The following CAND2 variants were observed in gnomAD, a reference collection of about 807,000 sequenced individuals.
The protein encoded by CAND2 is cullin associated and neddylation dissociated 2 (putative), also known as cullin-associated NEDD8-dissociated protein 2.
Under a neutral mutation model 98.9 loss-of-function variants are expected in CAND2, and 62 were observed. That is an observed-to-expected ratio of 0.63 (90% confidence interval 0.51 to 0.77). The LOEUF is 0.77. Among genes scored for constraint, CAND2 ranks in the 30% least tolerant of loss-of-function variants. The pLI is 0.00. For synonymous variants in CAND2, 770 were observed against 731.9 expected (o/e 1.05, Z -0.84); for missense variants, 1,501 against 1,655.2 (o/e 0.91, Z 1.62).
intron 2 of CAND2, 89 bp from the exon 3 acceptor site, chr3:12,807,217 G>A: frequency 7.9e-7 from 1 of 1,261,492 alleles, no homozygotes; most frequent in Non-Finnish European, 1.1e-6. Flanking sequence ...CAGCACGTGT[G>A]GCCGCAGGAG....
At chr3:12,804,595 C>T (rs1387377398) in intron 2 of CAND2, among the ~76,000 whole-genome samples, 2 of 152,182 alleles carry the variant, frequency 1.3e-5, no homozygotes, top group African/African-American at 4.8e-5. Context: ...AAAGACAAGA[C>T]AAGGGTATGT....
chr3:12,816,846 C>G lies in CAND2; in HGVS notation c.1914C>G (p.Ala638=). Residue 638 remains alanine, a synonymous_variant, in exon 10 of 15, where the codon GCC becomes GCG. Transcript: ENST00000456430. ...LPAIKALTLV[A]VSPLQLDLQP... is the part of the protein sequence containing the mutation. ...CCATCAAGGCGCTTACGCTGGTGGCCGTATCCCCACTACAGCTTGACCTAC... is the reference window on the plus strand; with the variant it reads ...CCATCAAGGCGCTTACGCTGGTGGCGGTATCCCCACTACAGCTTGACCTAC... 1 of 1,613,792 alleles carries G rather than the reference C, an allele frequency of 6.2e-7. No homozygotes were observed. The highest frequency in any genetic ancestry group is 8.5e-7 in the Non-Finnish European group (1 of 1,180,024).
intron 7 of CAND2, among the ~76,000 whole-genome samples, chr3:12,814,061 G>T (rs867917288): frequency 6.6e-6 from 1 of 152,230 alleles, no homozygotes; most frequent in South Asian, 2.1e-4. Flanking sequence ...TGAATGCCAA[G>T]CCAGGGAGGT....
rs1449734250 is a variant in CAND2, at chr3:12,812,978, CT to C, written c.758-11del. On this transcript the variant is annotated splice_polypyrimidine_tract_variant and intron_variant, in intron 5 of 14. Coordinates refer to ENST00000456430, the MANE Select transcript of CAND2 (RefSeq NM_001162499.2). ...GTCTGGCTTGGGTTCAGTGATCCAC[CT>C]GGCCCTGCAGGGGCTCACCTGGACC... is the stretch of plus-strand genomic sequence containing the variant. 7 of 1,537,376 alleles carry C rather than the reference CT, an allele frequency of 4.6e-6. No individual in the cohort carries two copies. In the African/African-American group the frequency reaches 8.1e-5, roughly 18 times the overall value.
At position 12,815,114 on chromosome 3, in the gene CAND2, T is replaced by A; in HGVS notation, c.1007-27T>A. On this transcript the variant is annotated intron_variant, in intron 7 of 14. Coordinates refer to ENST00000456430, the MANE Select transcript of CAND2 (RefSeq NM_001162499.2). The surrounding 1 kb of genome is among the most constrained non-coding windows in gnomAD (Gnocchi z 5.7). ...CAGACCTGTCCTGGGAGATGAGGGT[T>A]CCACGTGTGTCTTGTTCCTGCCCCA... The A allele has an allele frequency of 6.3e-7, 1 of 1,583,256 alleles. No individual in the cohort carries two copies. Among genetic ancestry groups the A allele is most frequent in the Non-Finnish European group, 8.6e-7 (1 of 1,160,624 alleles).
Position 12,808,405 on chromosome 3 carries a change from C to T in CAND2, c.491+72C>T, listed in dbSNP as rs139823498. ...ACAGGGAGGGACTCAAATCACAGAG[C>T]TAGCACCTACTGCACACCAGGCCCT... On this transcript the variant is annotated intron_variant, in intron 4 of 14. Transcript: ENST00000456430. 1,517 of 1,485,330 alleles carry T rather than the reference C, an allele frequency of 1.0e-3. 14 individuals are homozygous for T. The African/African-American group carries it at 0.018, about 18-fold the overall frequency. 92.0% of individuals were successfully genotyped at this position (1,485,330 alleles called of 1,614,324 possible). A position where few individuals can be genotyped will look rare whatever the true frequency, so the allele number is the denominator to read the frequency against.
At position 12,815,850 on chromosome 3, in the gene CAND2, C is replaced by T. The variant is rs780677712; in HGVS notation, c.1300-17C>T. ...CTTGGGTGTTCCCTGACCTTGACTT[C>T]CCCCTCCTGCCCACAGGTGCCCCTT... On this transcript the variant is annotated splice_polypyrimidine_tract_variant and intron_variant, in intron 8 of 14. Transcript: ENST00000456430. This position sits in a 1 kb window ranked among gnomAD's most constrained non-coding sequence, Gnocchi z 5.7. 20 of 1,608,204 alleles carry T rather than the reference C, an allele frequency of 1.2e-5. No homozygotes were observed. The highest frequency in any genetic ancestry group is 1.5e-5 in the Non-Finnish European group (18 of 1,176,010).
At position 12,817,265 on chromosome 3, in the gene CAND2, T is replaced by G; in HGVS notation, c.2333T>G (p.Ile778Ser). ...CCGTGTGTGGACTATGCCAAACTCA[T>G]CAGCCTGCTCACTGCGCCTGTTTAT... ...RPPCVDYAKL[I>S]SLLTAPVYEQ... is the part of the protein sequence containing the mutation. The change falls in exon 10 of 15, where the codon ATC (isoleucine) becomes AGC (serine). Residue 778 changes from isoleucine to serine, a missense_variant. By Grantham distance (142) the Ile-to-Ser change is moderately radical. Around this residue, in one of 3 missense-constraint regions of CAND2, gnomAD observed 1,427 missense variants for 1,545.3 expected, o/e 0.92. Transcript: ENST00000456430. The G allele has an allele frequency of 6.2e-7, 1 of 1,613,966 alleles. No homozygotes were observed. Among genetic ancestry groups the G allele is most frequent in the Non-Finnish European group, 8.5e-7 (1 of 1,180,032 alleles).
In CAND2 at chr3:12,817,936, C is replaced by T. The variant is rs80107853; in HGVS notation, c.2944+60C>T. The T allele has an allele frequency of 1.1e-3, 1,548 of 1,425,824 alleles. 21 individuals are homozygous for T. In the African/African-American group the frequency reaches 0.019, roughly 18 times the overall value. The allele number at this position is 1,425,824 out of a possible 1,614,324, so 88.3% of individuals were successfully genotyped here. A position where few individuals can be genotyped will look rare whatever the true frequency, so the allele number is the denominator to read the frequency against. ...CGGAGGTGGGCAGTTTGCCACTGAG[C>T]ATCCAGGCAGCTGGGGCAGAGTGAG... On this transcript the variant is annotated intron_variant, in intron 10 of 14. Transcript: ENST00000456430.
Position 12,825,657 on chromosome 3 carries a change from G to A in CAND2, c.3210+18G>A. 1.3e-6 allele frequency: 2 copies of A among 1,585,266 alleles called. No individual in the cohort carries two copies. Among genetic ancestry groups the A allele is most frequent in the Non-Finnish European group, 1.7e-6 (2 of 1,165,182 alleles). ...TCCGAGAGGTGTGGAGCAGAGCTGG[G>A]GACCCAGGGGAAGCTGGGGGTGATG... is the stretch of plus-strand genomic sequence containing the variant. On this transcript the variant is annotated intron_variant, in intron 12 of 14. Transcript: ENST00000456430.
intron 13 of CAND2, 34 bp downstream of exon 13, chr3:12,827,638 C>A: frequency 6.4e-7 from 1 of 1,572,656 alleles, no homozygotes; most frequent in Non-Finnish European, 8.7e-7. Context: ...TCTATGTGCC[C>A]CTGTACCAAG....
At position 12,831,005 on chromosome 3, in the gene CAND2, AGTT is replaced by A. The variant is rs567838325; in HGVS notation, c.3376-453_3376-451del. 4.5e-4 allele frequency among the ~76,000 whole-genome samples: 66 copies of A among 146,150 alleles called. 1 individual carries two copies. In the South Asian group the frequency reaches 8.9e-3, roughly 20 times the overall value. ...TGAATCTAGGCCTGCAGCCATGTTT[AGTT>A]GTTGTTAAAAGTTTTTGTTTGGTTT... On this transcript the variant is annotated intron_variant, in intron 13 of 14. Transcript: ENST00000456430.
rs192143849 is a variant in CAND2 at position 12,811,726 on chromosome 3, C to G, written c.758-1264C>G. Among the ~76,000 whole-genome samples the G allele has an allele frequency of 3.9e-4, 60 of 152,160 alleles. 2 individuals carry two copies. In the East Asian group the frequency reaches 0.011, roughly 29 times the overall value. On this transcript the variant is annotated intron_variant, in intron 5 of 14. Coordinates refer to ENST00000456430, the MANE Select transcript of CAND2 (RefSeq NM_001162499.2). Reference sequence around the variant, plus strand: ...AGCTGGCACTACAGGCGCACGCTACCATACCCAGCTAATTTTTGTATTTTT... The same window carrying G: ...AGCTGGCACTACAGGCGCACGCTACGATACCCAGCTAATTTTTGTATTTTT...
chr3:12,813,766 T>C (rs571984500), intron 7 of CAND2, among the ~76,000 whole-genome samples: 29 of 152,354 alleles, frequency 1.9e-4, no homozygotes, highest in Admixed American at 9.1e-4. Flanking sequence ...TGTACCCTTT[T>C]ATGAATGGCT....
chr3:12,834,164 C>T lies in CAND2; in HGVS notation c.*182C>T. On this transcript the variant is annotated 3_prime_UTR_variant, in exon 15 of 15. Coordinates refer to ENST00000456430, the MANE Select transcript of CAND2 (RefSeq NM_001162499.2). ...GGGACCCAACTCAAAGGCCCCCAGC[C>T]CAAGCTGTGAGGCTGCCAACAGTTG... 1 of 602,628 alleles carries T rather than the reference C, an allele frequency of 1.7e-6. No individual in the cohort carries two copies. The highest frequency in any genetic ancestry group is 2.8e-5 in the East Asian group (1 of 36,166). The allele number at this position is 602,628 out of a possible 1,614,324, so 37.3% of individuals were successfully genotyped here. A position where few individuals can be genotyped will look rare whatever the true frequency, so the allele number is the denominator to read the frequency against.
intron 1 of CAND2, among the ~76,000 whole-genome samples, chr3:12,797,608 CTG>C (rs1448289043): frequency 2.0e-5 from 3 of 152,228 alleles, no homozygotes; most frequent in African/African-American, 4.8e-5. Flanking sequence ...CCTGGGGAAA[CTG>C]AGGCCCAGGG....
At chr3:12,825,942 G>A (rs749980353) in intron 12 of CAND2, among the ~76,000 whole-genome samples, 5 of 152,216 alleles carry the variant, frequency 3.3e-5, no homozygotes, top group Non-Finnish European at 5.9e-5. Context: ...CCAGCGCTCA[G>A]TAAATGTTGA....
At chr3:12,833,615 A>G (rs957864312) in intron 14 of CAND2, 140 bp from the exon 15 acceptor site, 10 of 683,530 alleles carry the variant, frequency 1.5e-5, no homozygotes, top group African/African-American at 1.4e-4. Flanking sequence ...CTGGTGAGAC[A>G]GAAGCCTCAG....
chr3:12,830,679 G>A (rs1174638312), intron 13 of CAND2, among the ~76,000 whole-genome samples: 1 of 152,232 alleles, frequency 6.6e-6, no homozygotes, highest in Non-Finnish European at 1.5e-5. Context: ...GCGTCATCAA[G>A]TCTTCAAGTG....
Sources: gnomAD v4.1 joint callset for allele counts (sites outside exome capture counted in the v4.1 genomes callset) on GRCh38, gnomAD v4.1.1 for gene constraint, gnomAD v4.1.1 regional missense constraint, Gnocchi (gnomAD v3.1) non-coding constraint, MANE v1.5 for transcripts, NCBI Gene and HGNC (gene_info 2026-07-23, HGNC 2026-07-21) for gene names.